The following ERBB4 variants were observed in gnomAD, a reference collection of about 807,000 sequenced individuals.
ERBB4 encodes receptor tyrosine-protein kinase erbB-4.
A neutral mutation model predicts 158.0 loss-of-function variants in ERBB4; 42 were observed. That is an observed-to-expected ratio of 0.27 (90% CI 0.21 to 0.34). The LOEUF is 0.34. ERBB4 is among the 10% of genes least tolerant of loss of function. The probability of loss-of-function intolerance (pLI) is 1.00; values close to 1 mark genes in which losing one functional copy is unlikely to be tolerated. For synonymous variants in ERBB4, 583 were observed against 558.7 expected, an observed-to-expected ratio of 1.04 and a Z score of -0.61; for missense variants, 1,333 against 1,624.1, an observed-to-expected ratio of 0.82 and a Z score of 3.08.
At chr2:211,706,611 A>G (rs1039807114) in intron 9 of ERBB4, among the ~76,000 whole-genome samples, 5 of 151,582 alleles carry the variant, frequency 3.3e-5, no homozygotes, top group African/African-American at 1.2e-4. Flanking sequence ...CAAAAAAAAA[A>G]AAAACAAAAA....
chr2:212,255,204 G>C, intron 1 of ERBB4, among the ~76,000 whole-genome samples: 1 of 152,122 alleles, frequency 6.6e-6, no homozygotes, highest in Middle Eastern at 3.4e-3. Context: ...GAAAAAATAA[G>C]AATAATATTT....
intron 12 of ERBB4, among the ~76,000 whole-genome samples, chr2:211,685,772 T>G (rs2072539616): frequency 6.6e-6 from 1 of 152,178 alleles, no homozygotes; most frequent in Non-Finnish European, 1.5e-5. Context: ...CTTTTGCATT[T>G]ATTTACACCT....
At chr2:212,401,745 A>T (rs977761249) in intron 1 of ERBB4, among the ~76,000 whole-genome samples, 1 of 152,186 alleles carries the variant, frequency 6.6e-6, no homozygotes, top group African/African-American at 2.4e-5. Context: ...TCTCCTTGGC[A>T]ATCTATTACT....
intron 13 of ERBB4, among the ~76,000 whole-genome samples, chr2:211,678,346 C>T (rs917918900): frequency 9.3e-5 from 14 of 149,948 alleles, no homozygotes; most frequent in African/African-American, 3.2e-4. Flanking sequence ...AAAACTTGCA[C>T]TCCAGATGAA....
intron 20 of ERBB4, among the ~76,000 whole-genome samples, chr2:211,495,286 A>T (rs887740776): frequency 6.6e-6 from 1 of 152,094 alleles, no homozygotes; most frequent in Admixed American, 6.5e-5. Flanking sequence ...TGCCTGGAAA[A>T]ATCATATCAA....
In ERBB4 at chr2:211,815,156, T is replaced by G. The variant is rs1443118208; in HGVS notation, c.422-26997A>C. ...AAATCAAGGTTGAAGCTTAAATGCTTGCTACATTTCAACGCAAAGCAATTA... is the reference window on the plus strand; with the variant it reads ...AAATCAAGGTTGAAGCTTAAATGCTGGCTACATTTCAACGCAAAGCAATTA... On this transcript the variant is annotated intron_variant, in intron 3 of 27. Transcript: ENST00000342788. 3.3e-5 allele frequency among the ~76,000 whole-genome samples: 5 copies of G among 152,214 alleles called. No individual in the cohort carries two copies. In the East Asian group the frequency reaches 9.6e-4, roughly 29 times the overall value.
intron 2 of ERBB4, among the ~76,000 whole-genome samples, chr2:211,969,630 T>C (rs1015782858): frequency 1.3e-5 from 2 of 152,088 alleles, no homozygotes; most frequent in Admixed American, 1.3e-4. Context: ...GTGCTCTTTA[T>C]GCACAGTTTA....
rs143956961 is a variant in ERBB4 at position 212,501,482 on chromosome 2, C to G, written c.82+36967G>C. ...TAGCTCAAGAGCTGCATAACAAATC[C>G]AGGGAAAACACAACAGCAGTGAAAG... On this transcript the variant is annotated intron_variant, in intron 1 of 27. Transcript: ENST00000342788. Among the ~76,000 whole-genome samples the G allele has an allele frequency of 9.0e-4, 137 of 152,228 alleles. 1 individual carries two copies. The East Asian group carries it at 0.021, about 24-fold the overall frequency.
chr2:211,689,953 A>G lies in ERBB4; in HGVS notation c.1490-10769T>C, dbSNP rs115642084. ...ATCACTTTTGTTTTCTTTTTTTAAT[A>G]TGTTTTATCAAGTTCTATCTCAGGC... is the stretch of plus-strand genomic sequence containing the variant. On this transcript the variant is annotated intron_variant, in intron 12 of 27. Coordinates refer to ENST00000342788, the MANE Select transcript of ERBB4 (RefSeq NM_005235.3). Among the ~76,000 whole-genome samples the G allele has an allele frequency of 4.4e-3, 671 of 151,006 alleles. 6 individuals carry two copies. Among genetic ancestry groups the G allele is most frequent in the African/African-American group, 0.015 (639 of 41,336 alleles).
At chr2:211,691,566 A>ATG (rs1491273640) in intron 12 of ERBB4, among the ~76,000 whole-genome samples, 46 of 88,004 alleles carry the variant, frequency 5.2e-4, no homozygotes, top group African/African-American at 1.9e-3. Flanking sequence ...GCATAGAAAC[A>ATG]TATGTGTGTG....
chr2:211,973,418 G>C (rs987761325), intron 2 of ERBB4, among the ~76,000 whole-genome samples: 1 of 152,048 alleles, frequency 6.6e-6, no homozygotes, highest in Non-Finnish European at 1.5e-5. Flanking sequence ...AGTCAGGATG[G>C]TCTCATTCTC....
chr2:212,124,983 T>C (rs1229111332), intron 1 of ERBB4, 80 bp from the exon 2 acceptor site: 3 of 1,509,530 alleles, frequency 2.0e-6, no homozygotes, highest in African/African-American at 1.4e-5. Flanking sequence ...CTCAAAACTC[T>C]CTATTCCACA....
chr2:211,794,848 C>G (rs1174618740), intron 3 of ERBB4, among the ~76,000 whole-genome samples: 1 of 151,680 alleles, frequency 6.6e-6, no homozygotes, highest in Non-Finnish European at 1.5e-5. Flanking sequence ...ATAATTTTCC[C>G]GAGATTTGTA....
chr2:212,338,141 A>G (rs886149243), intron 1 of ERBB4, among the ~76,000 whole-genome samples: 2 of 152,114 alleles, frequency 1.3e-5, no homozygotes, highest in African/African-American at 4.8e-5. Context: ...CCATCCCAGT[A>G]CTATTCTGAG....
intron 15 of ERBB4, among the ~76,000 whole-genome samples, chr2:211,660,011 G>T (rs1291633812): frequency 6.6e-6 from 1 of 152,078 alleles, no homozygotes; most frequent in East Asian, 1.9e-4. Context: ...GCTTCTGCAG[G>T]AGCAAAAGCA....
Position 211,380,524 on chromosome 2 carries a change from A to T in ERBB4, c.*3091T>A. On this transcript the variant is annotated 3_prime_UTR_variant, in exon 28 of 28. Transcript: ENST00000342788. ...TGATATCCCCCCAAGCACTTTGAAG[A>T]CTTTAACTGACATTTTAAAATTCTA... 4.3e-6 allele frequency: 1 copy of T among 232,252 alleles called. No individual in the cohort carries two copies. Among genetic ancestry groups the T allele is most frequent in the Non-Finnish European group, 8.5e-6 (1 of 117,444 alleles). 14.4% of individuals were successfully genotyped at this position (232,252 alleles called of 1,614,324 possible).
chr2:212,242,506 A>G (rs1326370455), intron 1 of ERBB4, among the ~76,000 whole-genome samples: 1 of 152,204 alleles, frequency 6.6e-6, no homozygotes, highest in East Asian at 1.9e-4. Flanking sequence ...CAAGATCATT[A>G]GCCCATAAAC....
At chr2:212,358,584 G>T (rs1034142078) in intron 1 of ERBB4, among the ~76,000 whole-genome samples, 2 of 151,652 alleles carry the variant, frequency 1.3e-5, no homozygotes, top group African/African-American at 2.4e-5. Flanking sequence ...CTTGATTAAT[G>T]AGGTTATATA....
At chr2:212,126,345 A>C (rs1250838299) in intron 1 of ERBB4, among the ~76,000 whole-genome samples, 2 of 151,470 alleles carry the variant, frequency 1.3e-5, no homozygotes, top group Admixed American at 1.3e-4. Context: ...CTGTAATCCC[A>C]GCTACTCGGG....
Sources: gnomAD v4.1 joint callset for allele counts (sites outside exome capture counted in the v4.1 genomes callset) on GRCh38, gnomAD v4.1.1 for gene constraint, MANE v1.5 for transcripts, NCBI Gene and HGNC (gene_info 2026-07-23, HGNC 2026-07-21) for gene names.